Variants in THEMIS observed in about 807,000 individuals in gnomAD.
THEMIS encodes protein THEMIS.
In THEMIS, 37 loss-of-function variants were observed where a neutral mutation model predicts 52.6. The ratio of observed to expected loss-of-function variants is 0.70; its 90% CI spans 0.54 to 0.93. The LOEUF is 0.93. Among genes scored for constraint, THEMIS ranks in the 40% least tolerant of loss-of-function variants. The pLI is 0.00. For missense variants in THEMIS, 808 were observed against 763.1 expected, an observed-to-expected ratio of 1.06 and a Z score of -0.69; for synonymous variants, 292 against 272.7, an observed-to-expected ratio of 1.07 and a Z score of -0.70.
chr6:127,820,601 T>C (rs1278663042), intron 3 of THEMIS, among the ~76,000 whole-genome samples: 1 of 152,090 alleles, frequency 6.6e-6, no homozygotes, highest in African/African-American at 2.4e-5. Context: ...CAATTAGGAA[T>C]TTGGCAGATT....
At chr6:127,857,949 A>G (rs1779673122) in intron 1 of THEMIS, among the ~76,000 whole-genome samples, 1 of 152,060 alleles carries the variant, frequency 6.6e-6, no homozygotes, top group African/African-American at 2.4e-5. Context: ...AAAGAAGCAA[A>G]TAGTAAAATT....
chr6:127,890,519 T>C (rs946280735), intron 1 of THEMIS, among the ~76,000 whole-genome samples: 15 of 152,100 alleles, frequency 9.9e-5, no homozygotes, highest in African/African-American at 1.4e-4. Flanking sequence ...TAGTGTTCAA[T>C]AGCACAGTAG....
At chr6:127,804,501 C>T (rs78600653) in intron 4 of THEMIS, among the ~76,000 whole-genome samples, 5,899 of 152,202 alleles carry the variant, frequency 0.039, 141 homozygotes, top group Middle Eastern at 0.061. Flanking sequence ...CCTGGTATAG[C>T]GCCAGCTCAG....
intron 4 of THEMIS, among the ~76,000 whole-genome samples, chr6:127,771,627 G>A (rs1776388051): frequency 6.6e-6 from 1 of 152,132 alleles, no homozygotes; most frequent in Admixed American, 6.6e-5. Context: ...ACAACATTCT[G>A]ATCTTTGAAA....
intron 1 of THEMIS, among the ~76,000 whole-genome samples, chr6:127,911,638 C>T (rs551713740): frequency 3.2e-4 from 49 of 151,450 alleles, no homozygotes; most frequent in Non-Finnish European, 6.0e-4. Context: ...TAATCCAATA[C>T]TACATGGTTC....
At chr6:127,752,161 G>A (rs2114341634) in intron 4 of THEMIS, among the ~76,000 whole-genome samples, 1 of 151,592 alleles carries the variant, frequency 6.6e-6, no homozygotes, top group South Asian at 2.1e-4. Flanking sequence ...TGCAGCAAAA[G>A]CCATTCTAAA....
At chr6:127,869,355 T>G (rs1266316955) in intron 1 of THEMIS, among the ~76,000 whole-genome samples, 1 of 152,160 alleles carries the variant, frequency 6.6e-6, no homozygotes, top group Non-Finnish European at 1.5e-5. Context: ...AGCAACACAG[T>G]GCACTATAGA....
At chr6:127,807,662 G>T (rs1185571860) in intron 4 of THEMIS, among the ~76,000 whole-genome samples, 1 of 152,186 alleles carries the variant, frequency 6.6e-6, no homozygotes, top group Non-Finnish European at 1.5e-5. Context: ...AGAAAGGTGT[G>T]AGTGTTCAGA....
chr6:127,897,505 A>C (rs1419047859), intron 1 of THEMIS, among the ~76,000 whole-genome samples: 1 of 151,514 alleles, frequency 6.6e-6, no homozygotes, highest in South Asian at 2.1e-4. Context: ...CCTCTGCAAA[A>C]AAGAGTATTT....
intron 4 of THEMIS, among the ~76,000 whole-genome samples, chr6:127,740,852 G>T (rs1775179736): frequency 6.6e-6 from 1 of 152,058 alleles, no homozygotes; most frequent in Admixed American, 6.6e-5. Flanking sequence ...GACATTTTGT[G>T]ACATATATTT....
chr6:127,852,009 G>T (rs1283424866), intron 2 of THEMIS, among the ~76,000 whole-genome samples: 3 of 151,506 alleles, frequency 2.0e-5, no homozygotes, highest in Non-Finnish European at 3.0e-5. Flanking sequence ...GTCATCATAC[G>T]TCGGGGACTG....
chr6:127,878,450 C>A (rs1009484565), intron 1 of THEMIS, among the ~76,000 whole-genome samples: 5 of 148,076 alleles, frequency 3.4e-5, no homozygotes, highest in Non-Finnish European at 1.5e-5. Flanking sequence ...TATCTATTTG[C>A]AAAAAAAAAA....
At chr6:127,833,157 TTAAC>T (rs1778758479) in intron 2 of THEMIS, among the ~76,000 whole-genome samples, 2 of 152,192 alleles carry the variant, frequency 1.3e-5, no homozygotes, top group African/African-American at 4.8e-5. Context: ...AACACGTCAC[TTAAC>T]TAACATAAAT....
At chr6:127,759,562 T>C (rs1054659396) in intron 4 of THEMIS, among the ~76,000 whole-genome samples, 2 of 152,190 alleles carry the variant, frequency 1.3e-5, no homozygotes, top group Non-Finnish European at 2.9e-5. Flanking sequence ...CAGCTGCACA[T>C]GTTAATAACC....
At chr6:127,916,067 G>T (rs1781519790) in intron 1 of THEMIS, among the ~76,000 whole-genome samples, 2 of 151,878 alleles carry the variant, frequency 1.3e-5, no homozygotes, top group South Asian at 4.2e-4. Context: ...TCTATTTTTT[G>T]GGCAATGCAA....
chr6:127,798,975 G>A (rs564822593), intron 4 of THEMIS, among the ~76,000 whole-genome samples: 1 of 137,366 alleles, frequency 7.3e-6, no homozygotes, highest in East Asian at 2.2e-4. Context: ...CTGGGCGACA[G>A]AGCGAGACTC....
At chr6:127,812,157 G>T (rs552395977) in intron 4 of THEMIS, among the ~76,000 whole-genome samples, 1 of 152,096 alleles carries the variant, frequency 6.6e-6, no homozygotes, top group Admixed American at 6.5e-5. Context: ...ATGGTGTAAG[G>T]GCAAGCGCTT....
chr6:127,907,001 T>C (rs1229085816), intron 1 of THEMIS, among the ~76,000 whole-genome samples: 1 of 151,644 alleles, frequency 6.6e-6, no homozygotes, highest in Non-Finnish European at 1.5e-5. Context: ...CAGTAGAGGC[T>C]TAAAACTATA....
rs71543127 is a variant in THEMIS, at chr6:127,847,889, AATTATT to A, written c.250+7135_250+7140del. Among the ~76,000 whole-genome samples the A allele has an allele frequency of 7.1e-4, 104 of 146,520 alleles. 2 individuals are homozygous for A. Among genetic ancestry groups the A allele is most frequent in the South Asian group, 1.9e-3 (9 of 4,624 alleles). ...GGAGGGATCACGTTACTCAATTTCA[AATTATT>A]ATTATTATTATTATTATTATTATCA... On this transcript the variant is annotated intron_variant, in intron 2 of 5. Coordinates refer to ENST00000368248, the MANE Select transcript of THEMIS (RefSeq NM_001010923.3).
Sources: allele counts gnomAD v4.1 joint callset (sites outside exome capture counted in the v4.1 genomes callset), GRCh38; gene constraint gnomAD v4.1.1; transcripts MANE v1.5; gene names NCBI Gene and HGNC (gene_info 2026-07-23, HGNC 2026-07-21).